FAAP20: variants seen among roughly 807,000 people sequenced by gnomAD.
The protein encoded by FAAP20 is Fanconi anemia core complex-associated protein 20.
In FAAP20, 12 loss-of-function variants were observed where a neutral mutation model predicts 16.2. The ratio of observed to expected loss-of-function variants is 0.74; its 90% CI spans 0.48 to 1.20. The LOEUF is 1.20. Ranked by LOEUF, FAAP20 falls within the 50% of genes most tolerant of loss-of-function variation. The probability of loss-of-function intolerance (pLI) is 0.00; values close to 1 mark genes in which losing one functional copy is unlikely to be tolerated. For synonymous variants in FAAP20, 141 were observed against 110.7 expected (o/e 1.27, Z -1.72); for missense variants, 288 against 245.8 (o/e 1.17, Z -1.15).
At chr1:2,204,878 C>T (rs1689179661), upstream of FAAP20, among the ~76,000 whole-genome samples, 1 of 149,634 alleles carries the variant, frequency 6.7e-6, no homozygotes, top group African/African-American at 2.5e-5. Context: ...CGGGCACCTC[C>T]CACGCCCCGC....
chr1:2,200,784 G>A (rs545099977), upstream of FAAP20: 6 of 1,003,494 alleles, frequency 6.0e-6, no homozygotes, highest in East Asian at 3.2e-4. Flanking sequence ...CTGAGGAAGA[G>A]GCTCCCCCAT....
At chr1:2,185,565 TC>T (rs1450378112), downstream of FAAP20, 18 of 709,656 alleles carry the variant, frequency 2.5e-5, no homozygotes, top group Admixed American at 1.2e-4. Context: ...CCCGGTAAGT[TC>T]CTGTTGTTCT....
upstream of FAAP20, chr1:2,201,166 C>T (rs112250766): frequency 2.2e-5 from 28 of 1,269,088 alleles, no homozygotes; most frequent in Admixed American, 1.4e-4. Flanking sequence ...TTCTGAGTGA[C>T]GTGCAGACCT....
chr1:2,195,161 C>A (rs1313200704), upstream of FAAP20, among the ~76,000 whole-genome samples: 1 of 152,228 alleles, frequency 6.6e-6, no homozygotes, highest in Non-Finnish European at 1.5e-5. Context: ...GTAAATAAAG[C>A]TTGAAATCCG....
At chr1:2,194,157 C>A in intron 1 of FAAP20, 24 bp from the exon 2 acceptor site, 1 of 1,610,462 alleles carries the variant, frequency 6.2e-7, no homozygotes, top group Non-Finnish European at 8.5e-7. Flanking sequence ...AGAGGGCAGA[C>A]AGGGGGTACT....
chr1:2,190,227 G>T (rs751193080), intron 3 of FAAP20: 4 of 459,208 alleles, frequency 8.7e-6, no homozygotes, highest in South Asian at 6.2e-5. Flanking sequence ...TGCAGCTCAC[G>T]TCAGAGAATT....
chr1:2,189,550 T>G lies in FAAP20; in HGVS notation c.*159A>C. On this transcript the variant is annotated 3_prime_UTR_variant, in exon 4 of 4. Transcript: ENST00000378546. ...GTCAGAAAGAAAAGCGGCAGACGTTTCATCACAACACAGAGACAGACAGGA... is the reference window on the plus strand; with the variant it reads ...GTCAGAAAGAAAAGCGGCAGACGTTGCATCACAACACAGAGACAGACAGGA... The G allele has an allele frequency of 1.5e-6, 1 of 655,476 alleles. No individual in the cohort carries two copies. The highest frequency in any genetic ancestry group is 1.7e-5 in the South Asian group (1 of 59,474). The allele number at this position is 655,476 out of a possible 1,614,324, so 40.6% of individuals were successfully genotyped here.
Position 2,194,704 on chromosome 1 carries a change from G to A in FAAP20, c.46C>T (p.Pro16Ser), listed in dbSNP as rs1275812018. The A allele has an allele frequency of 1.7e-6, 2 of 1,174,370 alleles. No individual in the cohort carries two copies. Among genetic ancestry groups the A allele is most frequent in the Non-Finnish European group, 2.1e-6 (2 of 953,084 alleles). The allele number at this position is 1,174,370 out of a possible 1,614,324, so 72.7% of individuals were successfully genotyped here. ...CGGCCTCACCCGCCCGCCGGGCGCG[G>A]CCTCCGGCGGCTCAACCCCAGCCGC... ...RPRLGLSRRRPRPAGGPSGGR... is the reference protein window; with the variant it reads ...RPRLGLSRRRSRPAGGPSGGR... Residue 16 changes from proline (P) to serine (S), a missense_variant, in exon 1 of 4, where the codon CCG becomes TCG. Physicochemically the swap from Pro to Ser is moderately conservative, Grantham distance 74 (BLOSUM62 -1). Coordinates refer to ENST00000378546, the MANE Select transcript of FAAP20 (RefSeq NM_182533.4).
upstream of FAAP20, chr1:2,201,036 A>G: frequency 7.8e-7 from 1 of 1,288,170 alleles, no homozygotes; most frequent in Non-Finnish European, 1.0e-6. Context: ...TGCACCTTCC[A>G]GGACCCAGCT....
chr1:2,193,350 A>G (rs948445476), intron 3 of FAAP20: 3 of 533,968 alleles, frequency 5.6e-6, no homozygotes, highest in Non-Finnish European at 9.7e-6. Flanking sequence ...GTGCCACCAG[A>G]TTCCAGGATG....
downstream of FAAP20, among the ~76,000 whole-genome samples, chr1:2,212,003 C>T (rs1207001060): frequency 3.4e-5 from 5 of 148,762 alleles, no homozygotes; most frequent in Non-Finnish European, 7.4e-5. Flanking sequence ...CCCAGGTTCA[C>T]ACCATTCTCC....
upstream of FAAP20, chr1:2,201,096 C>A (rs569242918): frequency 2.9e-5 from 38 of 1,288,888 alleles, no homozygotes; most frequent in East Asian, 3.9e-4. Flanking sequence ...GTGCTTGGTG[C>A]ATCCCCTGTG....
At chr1:2,187,291 TTTTTTCTTTTTC>T, downstream of FAAP20, 3 of 413,158 alleles carry the variant, frequency 7.3e-6, no homozygotes, top group South Asian at 5.4e-5. Context: ...TTTTCTTTTT[TTTTTTCTTTTTC>T]TTTTTTTTTT....
At chr1:2,211,037 C>G (rs1365746716), downstream of FAAP20, among the ~76,000 whole-genome samples, 4 of 152,122 alleles carry the variant, frequency 2.6e-5, no homozygotes, top group Non-Finnish European at 4.4e-5. Context: ...GCTGTGCGAC[C>G]TGGGGCCAGG....
downstream of FAAP20, chr1:2,185,976 AAC>A (rs1385204081): frequency 5.6e-6 from 2 of 360,166 alleles, no homozygotes; most frequent in Non-Finnish European, 1.1e-5. Flanking sequence ...TGCTCCCGGG[AAC>A]ACACCCGCGC....
At chr1:2,203,158 G>T (rs1317051462), upstream of FAAP20, among the ~76,000 whole-genome samples, 1 of 152,204 alleles carries the variant, frequency 6.6e-6, no homozygotes, top group Non-Finnish European at 1.5e-5. Flanking sequence ...GCCCCAGGAA[G>T]CTATCTGGCC....
At chr1:2,192,020 C>A in intron 3 of FAAP20, 1 of 985,570 alleles carries the variant, frequency 1.0e-6, no homozygotes, top group African/African-American at 1.7e-5. Flanking sequence ...TGGGAGGCCT[C>A]CTGGCAGCTC....
downstream of FAAP20, chr1:2,185,021 T>A (rs1234881485): frequency 6.2e-7 from 1 of 1,606,082 alleles, no homozygotes; most frequent in Non-Finnish European, 8.5e-7. Flanking sequence ...GCCGCGTGCG[T>A]CTCTGTCGTG....
At chr1:2,185,482 C>T (rs548399305), downstream of FAAP20, 17 of 718,222 alleles carry the variant, frequency 2.4e-5, no homozygotes, top group Non-Finnish European at 4.2e-5. Flanking sequence ...TAGGAGCCAG[C>T]GGGACACAGG....
Sources: allele counts gnomAD v4.1 joint callset (sites outside exome capture counted in the v4.1 genomes callset), GRCh38; gene constraint gnomAD v4.1.1; transcripts MANE v1.5; gene names NCBI Gene and HGNC (gene_info 2026-07-23, HGNC 2026-07-21).